Variants in DNAJC13 observed in about 807,000 individuals in gnomAD.
DNAJC13 encodes the protein dnaJ homolog subfamily C member 13.
A neutral mutation model predicts 290.5 loss-of-function variants in DNAJC13; 75 were observed. The ratio of observed to expected loss-of-function variants is 0.26; its 90% CI spans 0.21 to 0.31. DNAJC13 has a LOEUF of 0.31. Ranked by LOEUF, DNAJC13 falls within the 10% of genes least tolerant of loss-of-function variation. The probability of loss-of-function intolerance (pLI) is 1.00; values close to 1 mark genes in which losing one functional copy is unlikely to be tolerated. For synonymous variants in DNAJC13, 862 were observed against 892.0 expected, an observed-to-expected ratio of 0.97 and a Z score of 0.60; for missense variants, 2,260 against 2,674.5, an observed-to-expected ratio of 0.85 and a Z score of 3.42.
intron 21 of DNAJC13, chr3:132,474,127 C>A (rs1217123915): frequency 2.0e-5 from 3 of 152,196 alleles, no homozygotes; most frequent in Admixed American, 6.5e-5. Flanking sequence ...TCTGTAAAGT[C>A]CTAACATATA....
intron 41 of DNAJC13, among the ~76,000 whole-genome samples, chr3:132,504,165 GA>G (rs948751123): frequency 3.3e-4 from 50 of 152,138 alleles, no homozygotes; most frequent in African/African-American, 1.2e-3. Flanking sequence ...TTTTGTAAGT[GA>G]AAAAATCCTC....
chr3:132,456,733 A>T lies in DNAJC13; in HGVS notation c.1250A>T (p.Asp417Val), dbSNP rs370398721. Residue 417 changes from aspartate to valine, a missense_variant, in exon 12 of 56, where the codon GAT (aspartate) becomes GTT (valine). Physicochemically the swap from Asp to Val is radical, Grantham distance 152. Coordinates refer to ENST00000260818, the MANE Select transcript of DNAJC13 (RefSeq NM_015268.4). ...ACAGCATTACTGTCCCAAGAAGGGG[A>T]TGTCGTTGCTTCAAATGCGGAACTT... ...AITALLSQEG[D>V]VVASNAELES... The T allele has an allele frequency of 1.9e-6, 3 of 1,614,118 alleles. No individual in the cohort carries two copies. Among genetic ancestry groups the T allele is most frequent in the East Asian group, 2.2e-5 (1 of 44,868 alleles).
At chr3:132,472,865 C>T (rs1043528511) in intron 20 of DNAJC13, among the ~76,000 whole-genome samples, 3 of 152,180 alleles carry the variant, frequency 2.0e-5, no homozygotes, top group African/African-American at 7.2e-5. Context: ...TTATTAATCA[C>T]TGTAAACTTT....
chr3:132,493,893 A>C (rs777664593), intron 33 of DNAJC13, among the ~76,000 whole-genome samples: 4 of 152,194 alleles, frequency 2.6e-5, no homozygotes, highest in Non-Finnish European at 5.9e-5. Context: ...GAAGCCTAAT[A>C]CATAACACAG....
chr3:132,462,497 G>A lies in DNAJC13; in HGVS notation c.1744G>A (p.Gly582Arg). The A allele has an allele frequency of 6.2e-7, 1 of 1,610,292 alleles. No homozygotes were observed. ...TTCCATGGCAATAATAAAAGGAGCT[G>A]GGTTGGTTATGAAGGCAATAATAGA... Reference protein sequence around the residue: ...HPSMAIIKGAGLVMKAIIEEG... With the variant: ...HPSMAIIKGARLVMKAIIEEG... The change falls in exon 16 of 56, where the codon GGG becomes AGG. Residue 582 changes from glycine (G) to arginine (R), a missense_variant. This residue lies in a region of DNAJC13 where 762 missense variants were observed against 964.1 expected (regional missense o/e 0.79). Coordinates refer to ENST00000260818, the MANE Select transcript of DNAJC13 (RefSeq NM_015268.4).
Position 132,447,957 on chromosome 3 carries a change from A to G in DNAJC13, c.336+18A>G. ...CAGGAAGGGTAAATATTTAACATTT[A>G]TTATGTATTTTTATTTGTTCAAATG... On this transcript the variant is annotated intron_variant, in intron 5 of 55. Transcript: ENST00000260818. 1 of 1,456,064 alleles carries G rather than the reference A, an allele frequency of 6.9e-7. No individual in the cohort carries two copies. 90.2% of individuals were successfully genotyped at this position (1,456,064 alleles called of 1,614,324 possible).
intron 2 of DNAJC13, among the ~76,000 whole-genome samples, chr3:132,445,302 C>A (rs1933209296): frequency 6.6e-6 from 1 of 151,822 alleles, no homozygotes; most frequent in African/African-American, 2.4e-5. Context: ...ATAAATATAA[C>A]AAATTATGTT....
At chr3:132,523,020 A>G in intron 49 of DNAJC13, 23 bp downstream of exon 49, 1 of 1,604,654 alleles carries the variant, frequency 6.2e-7, no homozygotes, top group Admixed American at 1.7e-5. Context: ...AAAGGTAATA[A>G]TTTATAGCCT....
At chr3:132,493,537 A>G (rs1249737364) in intron 33 of DNAJC13, among the ~76,000 whole-genome samples, 1 of 152,106 alleles carries the variant, frequency 6.6e-6, no homozygotes, top group Non-Finnish European at 1.5e-5. Context: ...TTATTGATCA[A>G]ATTTTAGACA....
chr3:132,464,921 C>T (rs1933924640), intron 17 of DNAJC13, among the ~76,000 whole-genome samples: 1 of 152,096 alleles, frequency 6.6e-6, no homozygotes, highest in Non-Finnish European at 1.5e-5. Context: ...ATTTGAATTA[C>T]ACTGTTAAAG....
At chr3:132,431,309 G>A (rs994609361) in intron 1 of DNAJC13, among the ~76,000 whole-genome samples, 3 of 152,160 alleles carry the variant, frequency 2.0e-5, no homozygotes, top group Non-Finnish European at 4.4e-5. Flanking sequence ...TTGCACATTA[G>A]AATGTGGAAA....
intron 2 of DNAJC13, among the ~76,000 whole-genome samples, chr3:132,441,706 G>C (rs1933075051): frequency 6.6e-6 from 1 of 152,192 alleles, no homozygotes; most frequent in Admixed American, 6.5e-5. Context: ...TATAATAGAT[G>C]TTATGATGGC....
chr3:132,457,036 G>T (rs1933626077), intron 12 of DNAJC13, among the ~76,000 whole-genome samples: 1 of 152,114 alleles, frequency 6.6e-6, no homozygotes, highest in Non-Finnish European at 1.5e-5. Context: ...TAATATAACT[G>T]ACTCTTGAAT....
intron 2 of DNAJC13, among the ~76,000 whole-genome samples, chr3:132,442,281 G>A (rs1050647713): frequency 2.6e-4 from 39 of 152,148 alleles, no homozygotes; most frequent in African/African-American, 5.3e-4. Flanking sequence ...ACAGGCGTGA[G>A]CCACTGCACC....
In DNAJC13 at chr3:132,538,191, G is replaced by T; in HGVS notation, c.6641G>T (p.Gly2214Val). Residue 2214 changes from glycine to valine, a missense_variant, in exon 56 of 56, where the codon GGC becomes GTC. By Grantham distance (109) the Gly-to-Val change is moderately radical. Coordinates refer to ENST00000260818, the MANE Select transcript of DNAJC13 (RefSeq NM_015268.4). ...TCTCTTGCAGGACCTGGAGTTGCTG[G>T]CTACCTTACCGCAGGTACATCTACA... ...AGYLTGPGVA[G>V]YLTAGTSTSV... is the part of the protein sequence containing the mutation. 2 of 1,613,650 alleles carry T rather than the reference G, an allele frequency of 1.2e-6. No individual in the cohort carries two copies. Among genetic ancestry groups the T allele is most frequent in the African/African-American group, 1.3e-5 (1 of 74,980 alleles).
chr3:132,442,576 A>G (rs1428645528), intron 2 of DNAJC13, among the ~76,000 whole-genome samples: 1 of 152,102 alleles, frequency 6.6e-6, no homozygotes, highest in Admixed American at 6.5e-5. Flanking sequence ...TTTGTCACCA[A>G]TTGCAGGGGA....
intron 36 of DNAJC13, among the ~76,000 whole-genome samples, chr3:132,497,450 A>C (rs1421335623): frequency 2.6e-5 from 4 of 151,986 alleles, no homozygotes; most frequent in Non-Finnish European, 4.4e-5. Flanking sequence ...GATTTGAGAT[A>C]AGCATGGAGA....
intron 39 of DNAJC13, among the ~76,000 whole-genome samples, chr3:132,501,225 G>T (rs535546575): frequency 6.6e-6 from 1 of 152,268 alleles, no homozygotes; most frequent in South Asian, 2.1e-4. Flanking sequence ...GGCCAGCCCG[G>T]TGTGGTGGCT....
chr3:132,463,600 G>T (rs68053923), intron 16 of DNAJC13, 96 bp from the exon 17 acceptor site: 23 of 832,412 alleles, frequency 2.8e-5, no homozygotes, highest in South Asian at 9.2e-5. Context: ...CATACTGAAT[G>T]TTTTTTTCAT....
Sources: gnomAD v4.1 joint callset for allele counts (sites outside exome capture counted in the v4.1 genomes callset) on GRCh38, gnomAD v4.1.1 for gene constraint, gnomAD v4.1.1 regional missense constraint, MANE v1.5 for transcripts, NCBI Gene and HGNC (gene_info 2026-07-23, HGNC 2026-07-21) for gene names.